Variants in AR observed in about 807,000 individuals in gnomAD.
AR encodes the protein androgen receptor, also known as dihydrotestosterone receptor.
Under a neutral mutation model 53.9 loss-of-function variants are expected in AR, and 8 were observed. The ratio of observed to expected loss-of-function variants is 0.15; its 90% CI spans 0.09 to 0.27. AR has a LOEUF of 0.27. Ranked by LOEUF, AR falls within the 10% of genes least tolerant of loss-of-function variation. The pLI, the probability that AR is intolerant of heterozygous loss-of-function variation, is 1.00. For missense variants in AR, 639 were observed against 742.5 expected, an observed-to-expected ratio of 0.86 and a Z score of 1.62; for synonymous variants, 359 against 316.4, an observed-to-expected ratio of 1.13 and a Z score of -1.43.
chrX:67,653,254 G>T (rs1926430935), intron 2 of AR, among the ~76,000 whole-genome samples: 1 of 112,094 alleles, frequency 8.9e-6, no homozygotes, highest in African/African-American at 3.2e-5. Flanking sequence ...GGAAACTGAG[G>T]CACAGAAGAG....
intron 3 of AR, among the ~76,000 whole-genome samples, chrX:67,693,699 A>G (rs1362631264): frequency 8.9e-6 from 1 of 111,803 alleles, no homozygotes; most frequent in African/African-American, 3.2e-5. Flanking sequence ...CTCATCTGTT[A>G]TTAATATTTC....
chrX:67,722,750 C>A, intron 6 of AR, 77 bp from the exon 7 acceptor site: 2 of 1,148,968 alleles, frequency 1.7e-6, no homozygotes, highest in South Asian at 1.9e-5. Flanking sequence ...AGTCTGTGGT[C>A]AGAAAACTTG....
intron 1 of AR, among the ~76,000 whole-genome samples, chrX:67,615,716 G>C (rs998876670): frequency 9.0e-6 from 1 of 111,467 alleles, no homozygotes; most frequent in African/African-American, 3.3e-5. Flanking sequence ...CTGTAAAATT[G>C]TATTGTTATT....
rs376301277 is a variant in AR at position 67,637,748 on chromosome X, C to T, written c.1617-5508C>T. ...AAACTTTATAGCCATTGAACAGCAA[C>T]ACTCCATTTCCGTTTCTTAAAGGTC... On this transcript the variant is annotated intron_variant, in intron 1 of 7. Coordinates refer to ENST00000374690, the MANE Select transcript of AR (RefSeq NM_000044.6). 3.6e-5 allele frequency among the ~76,000 whole-genome samples: 4 copies of T among 111,244 alleles called. No homozygotes were observed. In the East Asian group the frequency reaches 8.5e-4, roughly 24 times the overall value.
intron 2 of AR, among the ~76,000 whole-genome samples, chrX:67,649,237 G>A (rs1483580427): frequency 8.9e-6 from 1 of 112,380 alleles, no homozygotes; most frequent in Non-Finnish European, 1.9e-5. Context: ...GTATTCCATG[G>A]TGTATATGTG....
chrX:67,727,365 G>A lies in AR; in HGVS notation c.*3524G>A, dbSNP rs1206965122. On this transcript the variant is annotated 3_prime_UTR_variant, in exon 8 of 8. Coordinates refer to ENST00000374690, the MANE Select transcript of AR (RefSeq NM_000044.6). ...TTCTGTCCTTTGGGTAGTTGCTGAG[G>A]TAATTGTCCAGGTTGAAAAATAATG... 1 of 169,545 alleles carries A rather than the reference G, an allele frequency of 5.9e-6. No individual in the cohort carries two copies. The highest frequency in any genetic ancestry group is 1.1e-5 in the Non-Finnish European group (1 of 88,502). The allele number at this position is 169,545 out of a possible 1,213,427, so 14.0% of individuals were successfully genotyped here.
chrX:67,656,847 G>C (rs1364735049), intron 2 of AR, among the ~76,000 whole-genome samples: 1 of 109,296 alleles, frequency 9.1e-6, no homozygotes, highest in Non-Finnish European at 1.9e-5. Context: ...CCTTCTGCTT[G>C]ATGCTAAGAA....
chrX:67,706,135 TG>T (rs1303057655), intron 3 of AR, among the ~76,000 whole-genome samples: 2 of 111,940 alleles, frequency 1.8e-5, no homozygotes, highest in East Asian at 5.6e-4. Flanking sequence ...TGCCAGGCTT[TG>T]GTATCAGGAT....
Position 67,545,223 on chromosome X carries a change from T to G in AR, c.77T>G (p.Leu26Arg). Residue 26 changes from leucine (L) to arginine (R), a missense_variant, in exon 1 of 8, where the codon CTG becomes CGG. This residue lies in a region of AR where 55 missense variants were observed against 84.8 expected (regional missense o/e 0.65). Transcript: ENST00000374690. ...ACCTACCGAGGAGCTTTCCAGAATC[T>G]GTTCCAGAGCGTGCGCGAAGTGATC... ...SKTYRGAFQN[L>R]FQSVREVIQN... 1 of 1,209,841 alleles carries G rather than the reference T, an allele frequency of 8.3e-7. No homozygotes were observed. Among genetic ancestry groups the G allele is most frequent in the Non-Finnish European group, 1.1e-6 (1 of 895,014 alleles).
chrX:67,611,065 G>A (rs1018248969), intron 1 of AR, among the ~76,000 whole-genome samples: 6 of 111,321 alleles, frequency 5.4e-5, no homozygotes, highest in African/African-American at 1.6e-4. Context: ...AAGTAGTGAA[G>A]GACTATATAA....
intron 1 of AR, among the ~76,000 whole-genome samples, chrX:67,574,376 G>A (rs1369453310): frequency 9.0e-6 from 1 of 110,962 alleles, no homozygotes; most frequent in Non-Finnish European, 1.9e-5. Flanking sequence ...AAGTAAGACT[G>A]TATTCCAGAA....
chrX:67,695,714 T>A, intron 3 of AR: 5 of 742,893 alleles, frequency 6.7e-6, no homozygotes, highest in Non-Finnish European at 7.9e-6. Flanking sequence ...GGGCCTGTCT[T>A]TCCCACCTTC....
intron 1 of AR, among the ~76,000 whole-genome samples, chrX:67,617,208 G>A (rs1924165026): frequency 9.0e-6 from 1 of 111,425 alleles, no homozygotes. Context: ...ATATTGAGAC[G>A]ATTAAATAAG....
At chrX:67,660,045 A>T (rs1926802896) in intron 2 of AR, among the ~76,000 whole-genome samples, 2 of 111,369 alleles carry the variant, frequency 1.8e-5, no homozygotes, top group African/African-American at 6.5e-5. Context: ...TCCTTTGCCC[A>T]CTTTTTGATA....
At chrX:67,674,533 T>C (rs1291479412) in intron 2 of AR, among the ~76,000 whole-genome samples, 1 of 110,978 alleles carries the variant, frequency 9.0e-6, no homozygotes, top group Non-Finnish European at 1.9e-5. Flanking sequence ...TTCCACACTT[T>C]CCTTCCTTGT....
chrX:67,727,244 T>C lies in AR; in HGVS notation c.*3403T>C, dbSNP rs1049982902. The C allele has an allele frequency of 1.2e-5, 2 of 167,035 alleles. No individual in the cohort carries two copies. Among genetic ancestry groups the C allele is most frequent in the Non-Finnish European group, 2.3e-5 (2 of 86,786 alleles). The allele number at this position is 167,035 out of a possible 1,213,427, so 13.8% of individuals were successfully genotyped here. On this transcript the variant is annotated 3_prime_UTR_variant, in exon 8 of 8. Transcript: ENST00000374690. ...ACTCCCTTACTCTGAGAAAGGGATA[T>C]TTTGAAGGACTGTCATATATCTTTG...
rs2076162065 is a variant in AR, at chrX:67,727,371, G to A, written c.*3530G>A. ...CCTTTGGGTAGTTGCTGAGGTAATT[G>A]TCCAGGTTGAAAAATAATGTGCTGA... On this transcript the variant is annotated 3_prime_UTR_variant, in exon 8 of 8. Transcript: ENST00000374690. 1 of 169,476 alleles carries A rather than the reference G, an allele frequency of 5.9e-6. No homozygotes were observed. Among genetic ancestry groups the A allele is most frequent in the Non-Finnish European group, 1.1e-5 (1 of 88,493 alleles). The allele number at this position is 169,476 out of a possible 1,213,427, so 14.0% of individuals were successfully genotyped here. A position where few individuals can be genotyped will look rare whatever the true frequency, so the allele number is the denominator to read the frequency against.
chrX:67,670,416 A>T lies in AR; in HGVS notation c.1769-15594A>T, dbSNP rs1030045644. On this transcript the variant is annotated intron_variant, in intron 2 of 7. Coordinates refer to ENST00000374690, the MANE Select transcript of AR (RefSeq NM_000044.6). ...ATAATTTTTATTTACAAGAAACATA[A>T]TTCACCTATTAAATATAAAGAAACA... is the stretch of plus-strand genomic sequence containing the variant. 4.7e-3 allele frequency among the ~76,000 whole-genome samples: 489 copies of T among 104,353 alleles called. 3 individuals carry two copies. Among genetic ancestry groups the T allele is most frequent in the African/African-American group, 0.016 (458 of 29,074 alleles). The allele number at this position is 104,353 out of a possible 115,157, so 90.6% of individuals were successfully genotyped here. A position where few individuals can be genotyped will look rare whatever the true frequency, so the allele number is the denominator to read the frequency against.
At chrX:67,608,216 T>C (rs1923719486) in intron 1 of AR, among the ~76,000 whole-genome samples, 1 of 112,074 alleles carries the variant, frequency 8.9e-6, no homozygotes, top group Non-Finnish European at 1.9e-5. Context: ...AACTTTGCCT[T>C]TGGTATCTGC....
Sources: gnomAD v4.1 joint callset for allele counts (sites outside exome capture counted in the v4.1 genomes callset) on GRCh38, gnomAD v4.1.1 for gene constraint, gnomAD v4.1.1 regional missense constraint, MANE v1.5 for transcripts, NCBI Gene and HGNC (gene_info 2026-07-23, HGNC 2026-07-21) for gene names.